The following RAPGEF2 variants were observed in gnomAD, a reference collection of about 807,000 sequenced individuals.
The protein encoded by RAPGEF2 is Rap guanine nucleotide exchange factor 2, also known as PDZ domain containing guanine nucleotide exchange factor (GEF) 1.
RAPGEF2 carries 54 observed loss-of-function variants against 186.7 expected under a neutral mutation model. The observed-to-expected ratio is 0.29, with a 90% CI of 0.23 to 0.36. The LOEUF (loss-of-function observed/expected upper bound fraction) is 0.36. Among genes scored for constraint, RAPGEF2 ranks in the 10% least tolerant of loss-of-function variants. RAPGEF2 has a pLI of 1.00. For synonymous variants in RAPGEF2, 712 were observed against 705.9 expected (o/e 1.01, Z -0.14); for missense variants, 1,532 against 2,045.0 (o/e 0.75, Z 4.84).
At position 159,352,705 on chromosome 4, in the gene RAPGEF2, G is replaced by A. The variant is rs1731371832; in HGVS notation, c.3886G>A (p.Gly1296Ser). ...PRKGYTLAPS[G>S]TVDNFSDSGH... is the part of the protein sequence containing the mutation. ...TGCAGGCTATACTTTGGCTCCCAGT[G>A]GTACTGTGGATAATTTTTCAGATTC... Residue 1296 changes from glycine to serine, a missense_variant, in exon 27 of 30, where the codon GGT (glycine) becomes AGT (serine). By Grantham distance (56) the Gly-to-Ser change is moderately conservative (BLOSUM62 0). Transcript: ENST00000691494. 1.2e-6 allele frequency: 2 copies of A among 1,613,626 alleles called. No homozygotes were observed. The highest frequency in any genetic ancestry group is 1.7e-5 in the Admixed American group (1 of 60,004).
At chr4:159,295,163 G>C (rs1325289025) in intron 7 of RAPGEF2, among the ~76,000 whole-genome samples, 1 of 152,070 alleles carries the variant, frequency 6.6e-6, no homozygotes, top group Non-Finnish European at 1.5e-5. Context: ...AATATACAGA[G>C]GAGTTTGGAA....
intron 1 of RAPGEF2, among the ~76,000 whole-genome samples, chr4:159,161,361 A>G (rs964357268): frequency 2.0e-5 from 3 of 152,202 alleles, no homozygotes; most frequent in African/African-American, 4.8e-5. Context: ...ATCATAAACA[A>G]TATGTAGTTT....
intron 7 of RAPGEF2, among the ~76,000 whole-genome samples, chr4:159,300,967 A>G (rs1762592658): frequency 6.6e-6 from 1 of 152,174 alleles, no homozygotes; most frequent in Non-Finnish European, 1.5e-5. Flanking sequence ...CCTCTATTTC[A>G]TTAGAGTGTC....
chr4:159,133,159 T>C (rs761373257), intron 1 of RAPGEF2, among the ~76,000 whole-genome samples: 4 of 152,178 alleles, frequency 2.6e-5, no homozygotes, highest in Non-Finnish European at 5.9e-5. Flanking sequence ...TCTTTCCATA[T>C]CAGTACATGA....
At chr4:159,233,894 C>A (rs1339167478) in intron 4 of RAPGEF2, among the ~76,000 whole-genome samples, 2 of 151,916 alleles carry the variant, frequency 1.3e-5, no homozygotes, top group African/African-American at 2.4e-5. Context: ...GCCTGAGTAC[C>A]ACACTATTTT....
At chr4:159,104,516 G>GAGAGAC (rs1737599237) in intron 1 of RAPGEF2, among the ~76,000 whole-genome samples, 1 of 131,114 alleles carries the variant, frequency 7.6e-6, no homozygotes, top group African/African-American at 3.3e-5. Context: ...GAGAGAGAGA[G>GAGAGAC]AGAGAGAGAG....
chr4:159,350,984 A>C (rs557012980), intron 26 of RAPGEF2: 2 of 1,422,198 alleles, frequency 1.4e-6, no homozygotes, highest in African/African-American at 2.8e-5. Flanking sequence ...ACATCTGTGC[A>C]TTTTGTATGG....
chr4:159,243,698 A>G, intron 6 of RAPGEF2, 76 bp from the exon 7 acceptor site: 6 of 959,234 alleles, frequency 6.3e-6, no homozygotes, highest in South Asian at 1.4e-5. Flanking sequence ...ATTTTGGCAG[A>G]TGTAATATAG....
intron 4 of RAPGEF2, among the ~76,000 whole-genome samples, chr4:159,214,255 G>A (rs897069024): frequency 6.6e-6 from 1 of 152,152 alleles, no homozygotes; most frequent in South Asian, 2.1e-4. Flanking sequence ...ATAACTTTAT[G>A]AGGTGCTGAT....
intron 2 of RAPGEF2, among the ~76,000 whole-genome samples, chr4:159,188,627 G>A (rs1376205217): frequency 2.1e-5 from 3 of 141,122 alleles, no homozygotes; most frequent in Non-Finnish European, 4.5e-5. Context: ...TCGCACCACC[G>A]CACTCCAGCC....
chr4:159,177,208 A>G (rs1746528292), intron 1 of RAPGEF2, among the ~76,000 whole-genome samples: 1 of 132,876 alleles, frequency 7.5e-6, no homozygotes, highest in South Asian at 2.4e-4. Context: ...ATAAGAATTC[A>G]TTCAACTTTT....
rs766840926 is a variant in RAPGEF2 at position 159,331,656 on chromosome 4, G to C, written c.1602G>C (p.Leu534Phe). ...AAATGGGTGGACACCTAAGGCTGTT[G>C]AATATCGCGTGTGCTGCTAAAGCAA... ...REKMGGHLRLLNIACAAKAKR... is the reference protein window; with the variant it reads ...REKMGGHLRLFNIACAAKAKR... Residue 534 changes from leucine to phenylalanine, a missense_variant, in exon 15 of 30, where the codon TTG becomes TTC. Coordinates refer to ENST00000691494, the MANE Select transcript of RAPGEF2 (RefSeq NM_001394067.2). 6.2e-7 allele frequency: 1 copy of C among 1,614,128 alleles called. No individual in the cohort carries two copies. The highest frequency in any genetic ancestry group is 1.1e-5 in the South Asian group (1 of 91,066).
At chr4:159,315,144 G>A (rs1764410951) in intron 9 of RAPGEF2, among the ~76,000 whole-genome samples, 1 of 152,044 alleles carries the variant, frequency 6.6e-6, no homozygotes, top group South Asian at 2.1e-4. Flanking sequence ...AAACATAAAG[G>A]CAGTTGGTAA....
intron 1 of RAPGEF2, among the ~76,000 whole-genome samples, chr4:159,142,653 CATATAATTCTA>C (rs1323114078): frequency 6.6e-6 from 1 of 151,762 alleles, no homozygotes; most frequent in Admixed American, 6.6e-5. Flanking sequence ...TATGTTTTAA[CATATAATTCTA>C]AAAAAGCCTT....
chr4:159,288,881 C>T (rs542474284), intron 7 of RAPGEF2, among the ~76,000 whole-genome samples: 27 of 152,148 alleles, frequency 1.8e-4, no homozygotes, highest in Non-Finnish European at 2.8e-4. Context: ...CCTTCCACAT[C>T]TTTGGCTGGA....
At chr4:159,270,431 A>G (rs1181392276) in intron 7 of RAPGEF2, among the ~76,000 whole-genome samples, 1 of 152,238 alleles carries the variant, frequency 6.6e-6, no homozygotes, top group Non-Finnish European at 1.5e-5. Context: ...TATTAAATTC[A>G]CAAATACTTC....
Position 159,352,763 on chromosome 4 carries a change from T to C in RAPGEF2, c.3944T>C (p.Ile1315Thr), listed in dbSNP as rs775395308. 16 of 1,614,230 alleles carry C rather than the reference T, an allele frequency of 9.9e-6. No individual in the cohort carries two copies. Among genetic ancestry groups the C allele is most frequent in the Non-Finnish European group, 1.4e-5 (16 of 1,180,034 alleles). The stretch of plus-strand genomic sequence containing the variant: ...AGTGAAATTTCTTCACGATCCAGTA[T>C]TGTTAGCAATTCGTCTTTTGACTCA... ...GHSEISSRSSIVSNSSFDSVP... is the reference protein window; with the variant it reads ...GHSEISSRSSTVSNSSFDSVP... The change falls in exon 27 of 30, where the codon ATT (isoleucine) becomes ACT (threonine). Residue 1315 changes from isoleucine to threonine, a missense_variant. By Grantham distance (89) the Ile-to-Thr change is moderately conservative (BLOSUM62 -1). Coordinates refer to ENST00000691494, the MANE Select transcript of RAPGEF2 (RefSeq NM_001394067.2).
Position 159,104,073 on chromosome 4 carries a change from G to A in RAPGEF2, c.-90G>A. ...ATTAGTCGCGGGCGGGCGGGCGGGC[G>A]CAGCGCGCAGGGCGGAGGCAGCAGC... On this transcript the variant is annotated 5_prime_UTR_variant, in exon 1 of 30. Transcript: ENST00000691494. 1 of 740,028 alleles carries A rather than the reference G, an allele frequency of 1.4e-6. No individual in the cohort carries two copies. Among genetic ancestry groups the A allele is most frequent in the South Asian group, 6.1e-5 (1 of 16,264 alleles). The allele number at this position is 740,028 out of a possible 1,614,324, so 45.8% of individuals were successfully genotyped here.
At chr4:159,291,887 AG>A (rs1761268392) in intron 7 of RAPGEF2, among the ~76,000 whole-genome samples, 1 of 152,140 alleles carries the variant, frequency 6.6e-6, no homozygotes, top group East Asian at 1.9e-4. Flanking sequence ...TTATCTCAAA[AG>A]TAATTCATAT....
Sources: gnomAD v4.1 joint callset for allele counts (sites outside exome capture counted in the v4.1 genomes callset) on GRCh38, gnomAD v4.1.1 for gene constraint, MANE v1.5 for transcripts, NCBI Gene and HGNC (gene_info 2026-07-23, HGNC 2026-07-21) for gene names.